Variants in CLCA2 observed in about 807,000 individuals in gnomAD.
The protein encoded by CLCA2 is calcium-activated chloride channel regulator 2.
Under a neutral mutation model 82.9 loss-of-function variants are expected in CLCA2, and 85 were observed. The ratio of observed to expected loss-of-function variants is 1.03; its 90% CI spans 0.86 to 1.23. CLCA2 has a LOEUF of 1.23. Ranked by LOEUF, CLCA2 falls within the 50% of genes most tolerant of loss-of-function variation. The pLI is 0.00. For synonymous variants in CLCA2, 421 were observed against 391.7 expected, an observed-to-expected ratio of 1.07 and a Z score of -0.88; for missense variants, 1,089 against 1,124.8, an observed-to-expected ratio of 0.97 and a Z score of 0.45.
chr1:86,455,197 G>T lies in CLCA2; in HGVS notation c.2502G>T (p.Arg834Ser), dbSNP rs1383675945. ...SKRNPQQAGIREIFTFSPQIS... is the reference protein window; with the variant it reads ...SKRNPQQAGISEIFTFSPQIS... ...GAAATCCTCAGCAAGCTGGCATCAG[G>T]GAGATATTTACGTTCTCACCCCAAA... Residue 834 changes from arginine to serine, a missense_variant, in exon 14 of 14, where the codon AGG (arginine) becomes AGT (serine). Transcript: ENST00000370565. 6.2e-7 allele frequency: 1 copy of T among 1,613,918 alleles called. No individual in the cohort carries two copies. Among genetic ancestry groups the T allele is most frequent in the East Asian group, 2.2e-5 (1 of 44,868 alleles).
chr1:86,428,609 A>G (rs983578902), intron 3 of CLCA2, 41 bp downstream of exon 3: 36 of 1,595,664 alleles, frequency 2.3e-5, no homozygotes, highest in African/African-American at 4.0e-5. Context: ...GGACAATACT[A>G]CTTATAATAT....
chr1:86,450,135 C>A (rs1244859358), intron 11 of CLCA2, among the ~76,000 whole-genome samples: 1 of 151,970 alleles, frequency 6.6e-6, no homozygotes, highest in African/African-American at 2.4e-5. Flanking sequence ...ATTCATAAAC[C>A]CTTGAAACTG....
intron 8 of CLCA2, 44 bp from the exon 9 acceptor site, chr1:86,441,393 A>G: frequency 8.7e-7 from 1 of 1,145,140 alleles, no homozygotes; most frequent in Non-Finnish European, 1.3e-6. Flanking sequence ...TTTTTGTTTT[A>G]TTTTACCCAT....
At chr1:86,452,006 T>C (rs1426021382) in intron 12 of CLCA2, among the ~76,000 whole-genome samples, 1 of 152,088 alleles carries the variant, frequency 6.6e-6, no homozygotes, top group African/African-American at 2.4e-5. Context: ...TTTAAAATTA[T>C]TAAATTTAGC....
chr1:86,437,763 T>A (rs1172153022), intron 6 of CLCA2, among the ~76,000 whole-genome samples: 2 of 152,142 alleles, frequency 1.3e-5, no homozygotes, highest in East Asian at 1.9e-4. Context: ...AAGAGAGTCC[T>A]GGGTTGCTGG....
At chr1:86,428,356 A>G (rs1662428518) in intron 2 of CLCA2, 62 bp from the exon 3 acceptor site, 3 of 1,471,300 alleles carry the variant, frequency 2.0e-6, no homozygotes, top group Non-Finnish European at 2.8e-6. Flanking sequence ...TAATGAATGT[A>G]TACATTTATG....
chr1:86,438,822 C>CTTTTGTCTACTAACCAAGTGTGACA, intron 6 of CLCA2, 54 bp from the exon 7 acceptor site: 2 of 1,465,268 alleles, frequency 1.4e-6, no homozygotes, highest in Admixed American at 3.4e-5. Flanking sequence ...CTTCATCATA[C>CTTTTGTCTACTAACCAAGTGTGACA]TTTTGTCTAC....
At position 86,440,146 on chromosome 1, in the gene CLCA2, A is replaced by G. The variant is rs898155479; in HGVS notation, c.1204-2A>G. 6.2e-7 allele frequency: 1 copy of G among 1,613,372 alleles called. No homozygotes were observed. The highest frequency in any genetic ancestry group is 1.3e-5 in the African/African-American group (1 of 74,898). ...TCCAAGTGACTAATTCTCTATGTTC[A>G]GGTGGTTGAAAAACTGAATGGAAAA... On this transcript the variant is annotated splice_acceptor_variant, in intron 7 of 13. Transcript: ENST00000370565. LOFTEE classifies it high-confidence loss of function.
chr1:86,431,060 G>A (rs1662489599), intron 4 of CLCA2, 90 bp downstream of exon 4: 2 of 875,646 alleles, frequency 2.3e-6, no homozygotes, highest in Non-Finnish European at 1.8e-6. Flanking sequence ...CCTAATTTAA[G>A]CAATTAATTT....
chr1:86,436,779 T>C (rs1244760480), intron 6 of CLCA2, among the ~76,000 whole-genome samples: 1 of 152,180 alleles, frequency 6.6e-6, no homozygotes, highest in Non-Finnish European at 1.5e-5. Context: ...AATGGCACGA[T>C]CTCAGCTCAC....
intron 3 of CLCA2, 61 bp downstream of exon 3, chr1:86,428,629 G>C (rs1366830303): frequency 1.9e-6 from 3 of 1,545,904 alleles, no homozygotes; most frequent in Non-Finnish European, 2.6e-6. Context: ...TTCTGTGCTT[G>C]GTGCTGAAAG....
At chr1:86,426,268 C>T (rs1417752170) in intron 2 of CLCA2, among the ~76,000 whole-genome samples, 2 of 152,114 alleles carry the variant, frequency 1.3e-5, no homozygotes, top group Non-Finnish European at 2.9e-5. Context: ...AGGGTTTCAG[C>T]AATGGAGTGG....
chr1:86,440,845 C>T lies in CLCA2; in HGVS notation c.1381+520C>T, dbSNP rs908795187. 2.0e-5 allele frequency among the ~76,000 whole-genome samples: 3 copies of T among 152,030 alleles called. No homozygotes were observed. The South Asian group carries it at 6.2e-4, about 32-fold the overall frequency. On this transcript the variant is annotated intron_variant, in intron 8 of 13. Transcript: ENST00000370565. ...GAACTCAGGAGGCAGAGGTTGCAGT[C>T]ACCTGAGATCACGCTACTGCACTCC... is the stretch of plus-strand genomic sequence containing the variant.
rs1570265864 is a variant in CLCA2 at position 86,447,441 on chromosome 1, T to C, written c.1714-67T>C. 9.2e-6 allele frequency: 14 copies of C among 1,519,602 alleles called. No homozygotes were observed. In the East Asian group the frequency reaches 2.5e-4, roughly 27 times the overall value. The allele number at this position is 1,519,602 out of a possible 1,614,324, so 94.1% of individuals were successfully genotyped here. Reference sequence around the variant, plus strand: ...GAGCAAAATTCTCCAGAAGTTTTGATGTATGCTTTAAAATTAGGGTTGATT... The same window carrying C: ...GAGCAAAATTCTCCAGAAGTTTTGACGTATGCTTTAAAATTAGGGTTGATT... On this transcript the variant is annotated intron_variant, in intron 10 of 13. Coordinates refer to ENST00000370565, the MANE Select transcript of CLCA2 (RefSeq NM_006536.7).
At chr1:86,428,384 G>A (rs1345946011) in intron 2 of CLCA2, 34 bp from the exon 3 acceptor site, 2 of 1,560,362 alleles carry the variant, frequency 1.3e-6, no homozygotes, top group Non-Finnish European at 1.7e-6. Flanking sequence ...CAACAGAGCT[G>A]AGAAAGTATT....
intron 5 of CLCA2, 36 bp from the exon 6 acceptor site, chr1:86,434,482 G>C: frequency 6.5e-7 from 1 of 1,545,292 alleles, no homozygotes; most frequent in Non-Finnish European, 8.9e-7. Flanking sequence ...TTTGGGAGAA[G>C]TGCCTCTCTT....
intron 2 of CLCA2, 22 bp from the exon 3 acceptor site, chr1:86,428,396 C>A: frequency 6.4e-7 from 1 of 1,572,568 alleles, no homozygotes; most frequent in South Asian, 1.2e-5. Flanking sequence ...GAAAGTATTA[C>A]AAGGCATTTC....
At chr1:86,447,812 C>T in intron 11 of CLCA2, 34 bp downstream of exon 11, 1 of 1,592,840 alleles carries the variant, frequency 6.3e-7, no homozygotes, top group Non-Finnish European at 8.5e-7. Context: ...TTATCATCTT[C>T]TCAACAGCTG....
At chr1:86,425,521 A>C (rs762387832) in intron 2 of CLCA2, 45 bp downstream of exon 2, 9 of 1,440,316 alleles carry the variant, frequency 6.2e-6, no homozygotes, top group Admixed American at 4.9e-5. Context: ...GGGAAAAAAA[A>C]CACCAAAATA....
Sources: allele counts gnomAD v4.1 joint callset (sites outside exome capture counted in the v4.1 genomes callset), GRCh38; gene constraint gnomAD v4.1.1; transcripts MANE v1.5; gene names NCBI Gene and HGNC (gene_info 2026-07-23, HGNC 2026-07-21).